Variants in DDX10 observed in about 807,000 individuals in gnomAD.
DDX10 encodes the protein DEAD-box helicase 10.
In DDX10, 74 loss-of-function variants were observed where a neutral mutation model predicts 104.3. The ratio of observed to expected loss-of-function variants is 0.71; its 90% CI spans 0.59 to 0.86. DDX10 has a LOEUF of 0.86. DDX10 is among the 40% of genes least tolerant of loss of function. The pLI, the probability that DDX10 is intolerant of heterozygous loss-of-function variation, is 0.00. For synonymous variants in DDX10, 351 were observed against 353.4 expected, an observed-to-expected ratio of 0.99 and a Z score of 0.08; for missense variants, 952 against 1,040.0, an observed-to-expected ratio of 0.92 and a Z score of 1.16.
intron 8 of DDX10, among the ~76,000 whole-genome samples, chr11:108,693,228 T>C (rs10789677): frequency 0.47 from 71,610 of 152,122 alleles, 19,841 homozygotes; most frequent in Non-Finnish European, 0.61. Flanking sequence ...GGTTATTAAA[T>C]ATTAGGGTAT....
At chr11:108,939,511 A>G (rs1171821895) in intron 17 of DDX10, among the ~76,000 whole-genome samples, 2 of 152,202 alleles carry the variant, frequency 1.3e-5, no homozygotes, top group Non-Finnish European at 2.9e-5. Flanking sequence ...TTTTGTTTTA[A>G]TCATATATCC....
chr11:108,763,325 C>T (rs1176463826), intron 13 of DDX10, among the ~76,000 whole-genome samples: 3 of 152,110 alleles, frequency 2.0e-5, no homozygotes, highest in African/African-American at 7.2e-5. Flanking sequence ...CTCACTTGGG[C>T]TTATTTTTAC....
chr11:108,685,018 C>G (rs1292056570), intron 6 of DDX10, among the ~76,000 whole-genome samples: 36 of 135,896 alleles, frequency 2.6e-4, no homozygotes, highest in Non-Finnish European at 1.6e-5. Flanking sequence ...AGTGTCTGTT[C>G]ATGTCCTTCG....
At chr11:108,845,392 G>T (rs547070224) in intron 15 of DDX10, among the ~76,000 whole-genome samples, 2 of 152,150 alleles carry the variant, frequency 1.3e-5, no homozygotes, top group Non-Finnish European at 2.9e-5. Flanking sequence ...TCCTAACTGA[G>T]TATACTACTA....
chr11:108,897,987 C>T (rs1863463006), intron 16 of DDX10, among the ~76,000 whole-genome samples: 1 of 151,996 alleles, frequency 6.6e-6, no homozygotes, highest in Non-Finnish European at 1.5e-5. Context: ...AAAAGCTGTT[C>T]CTAGAGAGGG....
At chr11:108,765,985 C>T (rs1414100043) in intron 13 of DDX10, among the ~76,000 whole-genome samples, 1 of 152,222 alleles carries the variant, frequency 6.6e-6, no homozygotes, top group Non-Finnish European at 1.5e-5. Context: ...AGGTTCTCCA[C>T]AGTTGCATTC....
intron 13 of DDX10, among the ~76,000 whole-genome samples, chr11:108,830,604 TG>T (rs1016391980): frequency 6.6e-5 from 10 of 152,294 alleles, no homozygotes; most frequent in Non-Finnish European, 1.0e-4. Context: ...GTGGTAAAAG[TG>T]GGCATCCTTG....
intron 16 of DDX10, among the ~76,000 whole-genome samples, chr11:108,910,001 A>G (rs1451566075): frequency 6.6e-6 from 1 of 152,106 alleles, no homozygotes; most frequent in African/African-American, 2.4e-5. Flanking sequence ...TAATTACAAC[A>G]CAGAATTGGA....
At chr11:108,751,523 C>A in intron 13 of DDX10, among the ~76,000 whole-genome samples, 1 of 152,070 alleles carries the variant, frequency 6.6e-6, no homozygotes, top group Non-Finnish European at 1.5e-5. Context: ...GTGATACCAT[C>A]TAATCCAATG....
chr11:108,676,299 T>G (rs766323849), intron 3 of DDX10, among the ~76,000 whole-genome samples: 2 of 152,174 alleles, frequency 1.3e-5, no homozygotes, highest in Non-Finnish European at 2.9e-5. Flanking sequence ...AAAAATCTCA[T>G]TTTAGTTTTT....
intron 16 of DDX10, among the ~76,000 whole-genome samples, chr11:108,865,623 T>C (rs765579338): frequency 6.6e-6 from 1 of 152,142 alleles, no homozygotes; most frequent in East Asian, 1.9e-4. Flanking sequence ...TGGTGAATCA[T>C]AGAGGATCTC....
intron 13 of DDX10, among the ~76,000 whole-genome samples, chr11:108,797,707 C>A (rs1446643180): frequency 6.6e-6 from 1 of 152,194 alleles, no homozygotes; most frequent in African/African-American, 2.4e-5. Context: ...GTAAATACTT[C>A]TATTGTGCTT....
chr11:108,929,011 A>C (rs892565500), intron 17 of DDX10, among the ~76,000 whole-genome samples: 3 of 152,252 alleles, frequency 2.0e-5, no homozygotes, highest in Non-Finnish European at 4.4e-5. Flanking sequence ...GTCATGTAAC[A>C]TAGCCTATTC....
intron 9 of DDX10, among the ~76,000 whole-genome samples, chr11:108,704,766 A>G (rs2094273548): frequency 6.6e-6 from 1 of 152,212 alleles, no homozygotes; most frequent in African/African-American, 2.4e-5. Flanking sequence ...TCTAAAACAG[A>G]TAATTGGTGA....
intron 13 of DDX10, among the ~76,000 whole-genome samples, chr11:108,786,597 C>T (rs1861795528): frequency 6.6e-6 from 1 of 152,140 alleles, no homozygotes; most frequent in Non-Finnish European, 1.5e-5. Flanking sequence ...AACACTTTAT[C>T]ATTATGTAAT....
chr11:108,925,299 C>T (rs1033142076), intron 17 of DDX10, among the ~76,000 whole-genome samples: 3 of 152,160 alleles, frequency 2.0e-5, no homozygotes, highest in African/African-American at 4.8e-5. Flanking sequence ...AAGCTACTCT[C>T]TTACTGTTAC....
chr11:108,897,475 T>G (rs1352075702), intron 16 of DDX10, among the ~76,000 whole-genome samples: 1 of 152,202 alleles, frequency 6.6e-6, no homozygotes, highest in Non-Finnish European at 1.5e-5. Context: ...ATGTTTCTTT[T>G]TTCTTTCCCC....
chr11:108,798,865 A>G (rs1382699041), intron 13 of DDX10, among the ~76,000 whole-genome samples: 2 of 151,810 alleles, frequency 1.3e-5, no homozygotes, highest in African/African-American at 4.8e-5. Context: ...TGTGGTATCT[A>G]TCTTTTCATT....
intron 13 of DDX10, among the ~76,000 whole-genome samples, chr11:108,805,272 G>GC (rs35195346): frequency 1.3e-5 from 2 of 152,208 alleles, no homozygotes; most frequent in Non-Finnish European, 2.9e-5. Context: ...CAGTTTCGGT[G>GC]CCCTGCCACT....
Sources: allele counts gnomAD v4.1 joint callset (sites outside exome capture counted in the v4.1 genomes callset), GRCh38; gene constraint gnomAD v4.1.1; transcripts MANE v1.5; gene names NCBI Gene and HGNC (gene_info 2026-07-23, HGNC 2026-07-21).